DSCAM: variants seen among roughly 807,000 people sequenced by gnomAD.
DSCAM encodes the protein DS cell adhesion molecule, also known as cell adhesion molecule DSCAM.
Under a neutral mutation model 217.7 loss-of-function variants are expected in DSCAM, and 47 were observed. That is an observed-to-expected ratio of 0.22 (90% CI 0.17 to 0.28). The LOEUF (loss-of-function observed/expected upper bound fraction) is 0.28. Ranked by LOEUF, DSCAM falls within the 10% of genes least tolerant of loss-of-function variation. DSCAM has a pLI of 1.00. For synonymous variants in DSCAM, 1,056 were observed against 1,015.3 expected (o/e 1.04, Z -0.76); for missense variants, 2,080 against 2,618.3 (o/e 0.79, Z 4.49).
intron 3 of DSCAM, among the ~76,000 whole-genome samples, chr21:40,412,502 T>C (rs1341582070): frequency 6.6e-6 from 1 of 152,200 alleles, no homozygotes; most frequent in Non-Finnish European, 1.5e-5. Context: ...GTGACTCTTG[T>C]TATGTTTTAA....
intron 4 of DSCAM, among the ~76,000 whole-genome samples, chr21:40,360,714 T>C (rs139066989): frequency 1.9e-4 from 29 of 152,320 alleles, no homozygotes; most frequent in Middle Eastern, 3.4e-3. Context: ...CAATCTACCA[T>C]TGATGGACAC....
intron 3 of DSCAM, among the ~76,000 whole-genome samples, chr21:40,491,567 AT>A (rs1294335330): frequency 2.0e-5 from 3 of 152,092 alleles, no homozygotes; most frequent in East Asian, 3.9e-4. Context: ...ATTCAAGGGT[AT>A]TCCAAGGGCT....
At chr21:40,369,326 T>A in intron 3 of DSCAM, 81 bp from the exon 4 acceptor site, 2 of 1,437,784 alleles carry the variant, frequency 1.4e-6, no homozygotes, top group East Asian at 2.3e-5. Flanking sequence ...TAAACAGTTT[T>A]TTTTTTCCCC....
At position 40,780,423 on chromosome 21, in the gene DSCAM, GTA is replaced by G. The variant is rs71186965; in HGVS notation, c.43+66194_43+66195del. ...CGTGTGTGTGTGTGTGTGTGTGTGT[GTA>G]TATATATATATATATATATATATCT... On this transcript the variant is annotated intron_variant, in intron 1 of 32. Coordinates refer to ENST00000400454, the MANE Select transcript of DSCAM (RefSeq NM_001389.5). 2.5e-3 allele frequency among the ~76,000 whole-genome samples: 140 copies of G among 56,404 alleles called. 2 individuals are homozygous for G. In the Middle Eastern group the frequency reaches 0.029, roughly 12 times the overall value. The allele number at this position is 56,404 out of a possible 152,430, so 37.0% of individuals were successfully genotyped here. A position where few individuals can be genotyped will look rare whatever the true frequency, so the allele number is the denominator to read the frequency against.
chr21:40,153,075 C>T (rs944087643), intron 16 of DSCAM, among the ~76,000 whole-genome samples: 3 of 152,236 alleles, frequency 2.0e-5, no homozygotes, highest in Non-Finnish European at 4.4e-5. Context: ...AATCTATCCT[C>T]ATTTCCCTTA....
At chr21:40,844,754 G>A (rs1261295580) in intron 1 of DSCAM, among the ~76,000 whole-genome samples, 1 of 151,220 alleles carries the variant, frequency 6.6e-6, no homozygotes. Flanking sequence ...TGTATCAGAG[G>A]CTAATAGTCT....
In DSCAM at chr21:40,144,312, G is replaced by A. The variant is rs1029114666; in HGVS notation, c.3259+179C>T. Among the ~76,000 whole-genome samples, 2 of 152,164 alleles carry A rather than the reference G, an allele frequency of 1.3e-5. No individual in the cohort carries two copies. Among genetic ancestry groups the A allele is most frequent in the African/African-American group, 2.4e-5 (1 of 41,458 alleles). On this transcript the variant is annotated intron_variant, in intron 17 of 32. Transcript: ENST00000400454. The surrounding 1 kb of genome is among the most constrained non-coding windows in gnomAD (Gnocchi z 4.8). ...TTGCAGTCCAGCCCTGCCCCAGGGCGGGCAGATCAGCGGGGTGGGCGAGGT... is the reference window on the plus strand; with the variant it reads ...TTGCAGTCCAGCCCTGCCCCAGGGCAGGCAGATCAGCGGGGTGGGCGAGGT...
intron 3 of DSCAM, among the ~76,000 whole-genome samples, chr21:40,464,486 C>T (rs2075828727): frequency 6.6e-6 from 1 of 152,278 alleles, no homozygotes; most frequent in South Asian, 2.1e-4. Flanking sequence ...TTTAGAACCC[C>T]CATACACACA....
chr21:40,521,553 ATCT>A (rs1423767595), intron 3 of DSCAM, among the ~76,000 whole-genome samples: 2 of 143,300 alleles, frequency 1.4e-5, no homozygotes, highest in African/African-American at 5.5e-5. Flanking sequence ...CCATTTGTAT[ATCT>A]TCTTTTTAAT....
intron 11 of DSCAM, among the ~76,000 whole-genome samples, chr21:40,214,815 A>G (rs2091226772): frequency 6.6e-6 from 1 of 152,042 alleles, no homozygotes; most frequent in Non-Finnish European, 1.5e-5. Flanking sequence ...GACCAATTAA[A>G]CAAGAAGATG....
At chr21:40,634,378 C>A (rs1313377285) in intron 3 of DSCAM, among the ~76,000 whole-genome samples, 2 of 152,158 alleles carry the variant, frequency 1.3e-5, no homozygotes, top group Admixed American at 6.5e-5. Flanking sequence ...AACCGTGTTT[C>A]CCCACTCAGC....
chr21:40,715,134 A>C (rs1485236505), intron 1 of DSCAM, among the ~76,000 whole-genome samples: 1 of 152,240 alleles, frequency 6.6e-6, no homozygotes, highest in Non-Finnish European at 1.5e-5. Context: ...CAGTCTGTGT[A>C]TTCTGTTTTA....
chr21:40,601,791 A>C (rs80008768), intron 3 of DSCAM, among the ~76,000 whole-genome samples: 1,928 of 152,246 alleles, frequency 0.013, 19 homozygotes, highest in South Asian at 0.032. Context: ...TCTTCAGCCT[A>C]TTATAATGCG....
intron 4 of DSCAM, among the ~76,000 whole-genome samples, chr21:40,360,297 TA>T (rs2074747396): frequency 6.6e-6 from 1 of 151,862 alleles, no homozygotes. Flanking sequence ...CACGCCCGGC[TA>T]ATTTTTTTTG....
At chr21:40,307,504 C>T (rs1390123892) in intron 9 of DSCAM, among the ~76,000 whole-genome samples, 1 of 152,142 alleles carries the variant, frequency 6.6e-6, no homozygotes, top group African/African-American at 2.4e-5. Flanking sequence ...ACTAGTTCTA[C>T]CATTGTGAAA....
chr21:40,349,224 C>T (rs1196028093), intron 5 of DSCAM, among the ~76,000 whole-genome samples: 1 of 150,138 alleles, frequency 6.7e-6, no homozygotes, highest in Non-Finnish European at 1.5e-5. Context: ...TTGCCTTGTC[C>T]CAAGGTGGCA....
chr21:40,546,546 T>C (rs1200140045), intron 3 of DSCAM, among the ~76,000 whole-genome samples: 3 of 152,232 alleles, frequency 2.0e-5, no homozygotes, highest in African/African-American at 7.2e-5. Context: ...CCACCAGCTA[T>C]GGCTTCGCCC....
intron 1 of DSCAM, among the ~76,000 whole-genome samples, chr21:40,723,242 G>T (rs1601173589): frequency 6.6e-6 from 1 of 152,038 alleles, no homozygotes; most frequent in Non-Finnish European, 1.5e-5. Context: ...CTAGGGTCTG[G>T]CCACGCTGGT....
chr21:40,740,406 A>C lies in DSCAM; in HGVS notation c.44-31635T>G, dbSNP rs547035745. On this transcript the variant is annotated intron_variant, in intron 1 of 32. Coordinates refer to ENST00000400454, the MANE Select transcript of DSCAM (RefSeq NM_001389.5). ...GTAAAGAGGGCAGAGAATTGTCCAC[A>C]GCATTTGCTGACCCCATGTGCCTCC... Among the ~76,000 whole-genome samples, 6 of 152,306 alleles carry C rather than the reference A, an allele frequency of 3.9e-5. No individual in the cohort carries two copies. In the South Asian group the frequency reaches 1.2e-3, roughly 32 times the overall value.
Sources: allele counts gnomAD v4.1 joint callset (sites outside exome capture counted in the v4.1 genomes callset), GRCh38; gene constraint gnomAD v4.1.1; non-coding constraint Gnocchi (gnomAD v3.1); transcripts MANE v1.5; gene names NCBI Gene and HGNC (gene_info 2026-07-23, HGNC 2026-07-21).